CNTN1: variants seen among roughly 807,000 people sequenced by gnomAD.
The protein encoded by CNTN1 is contactin 1.
Under a neutral mutation model 126.4 loss-of-function variants are expected in CNTN1, and 38 were observed. The observed-to-expected ratio is 0.30, with a 90% CI of 0.23 to 0.39. The LOEUF (loss-of-function observed/expected upper bound fraction) is 0.39, where lower values mean the gene tolerates loss of function less well. Ranked by LOEUF, CNTN1 falls within the 10% of genes least tolerant of loss-of-function variation. The probability of loss-of-function intolerance (pLI) is 1.00; values close to 1 mark genes in which losing one functional copy is unlikely to be tolerated. For missense variants in CNTN1, 1,009 were observed against 1,248.4 expected (o/e 0.81, Z 2.89); for synonymous variants, 413 against 422.6 (o/e 0.98, Z 0.28).
chr12:40,853,447 CAACTG>C (rs1183832009), intron 1 of CNTN1, among the ~76,000 whole-genome samples: 1 of 152,096 alleles, frequency 6.6e-6, no homozygotes, highest in Non-Finnish European at 1.5e-5. Flanking sequence ...GTGAAAGACT[CAACTG>C]AACGCTCAAT....
chr12:40,693,054 C>T (rs1941343311), intron 1 of CNTN1, among the ~76,000 whole-genome samples: 1 of 152,228 alleles, frequency 6.6e-6, no homozygotes, highest in African/African-American at 2.4e-5. Context: ...GCTAGCGCAT[C>T]CCGGAAAACC....
At chr12:40,807,063 TA>T (rs1248646010) in intron 1 of CNTN1, among the ~76,000 whole-genome samples, 2 of 152,066 alleles carry the variant, frequency 1.3e-5, no homozygotes, top group East Asian at 3.9e-4. Context: ...CGGTACAGAA[TA>T]GTGATAATTC....
intron 23 of CNTN1, among the ~76,000 whole-genome samples, chr12:41,045,620 C>T (rs1949524703): frequency 6.6e-6 from 1 of 152,042 alleles, no homozygotes; most frequent in South Asian, 2.1e-4. Context: ...ACATTAGGGA[C>T]CAGCTTTAGT....
Position 40,944,091 on chromosome 12 carries a change from A to T in CNTN1, c.1604A>T (p.Asp535Val). Reference protein sequence around the residue: ...QCAASFDPALDLTFVWSFNGY... With the variant: ...QCAASFDPALVLTFVWSFNGY... ...GCTGCGTCCTTTGATCCTGCCTTGG[A>T]TCTCACATTTGTTTGGTCCTTCAAT... The change falls in exon 14 of 24, where the codon GAT becomes GTT. Residue 535 changes from aspartate (D) to valine (V), a missense_variant. Coordinates refer to ENST00000551295, the MANE Select transcript of CNTN1 (RefSeq NM_001843.4). 1.2e-6 allele frequency: 2 copies of T among 1,613,560 alleles called. No homozygotes were observed. The highest frequency in any genetic ancestry group is 1.7e-6 in the Non-Finnish European group (2 of 1,179,662).
intron 1 of CNTN1, among the ~76,000 whole-genome samples, chr12:40,697,701 T>G (rs1475028913): frequency 6.6e-6 from 1 of 152,196 alleles, no homozygotes; most frequent in Admixed American, 6.5e-5. Context: ...CTGGCTTATG[T>G]ATATCATATG....
intron 1 of CNTN1, among the ~76,000 whole-genome samples, chr12:40,744,713 A>C (rs1302039032): frequency 6.6e-6 from 1 of 152,108 alleles, no homozygotes; most frequent in East Asian, 1.9e-4. Context: ...CGTGTGGATT[A>C]AAAGGTGGAA....
At chr12:40,813,047 C>CTTTCTTTCTTTCTTTCT (rs1565773047) in intron 1 of CNTN1, among the ~76,000 whole-genome samples, 1 of 106,056 alleles carries the variant, frequency 9.4e-6, no homozygotes, top group African/African-American at 3.6e-5. Flanking sequence ...TCCTTTCTTT[C>CTTTCTTTCTTTCTTTCT]TTTCTTTCTT....
intron 1 of CNTN1, among the ~76,000 whole-genome samples, chr12:40,718,377 C>T (rs562918382): frequency 1.3e-4 from 19 of 151,858 alleles, no homozygotes; most frequent in East Asian, 3.9e-4. Flanking sequence ...GATGGGGTTT[C>T]GCCGTGTTGG....
At chr12:41,007,090 C>T (rs1331191711) in intron 17 of CNTN1, among the ~76,000 whole-genome samples, 1 of 114,478 alleles carries the variant, frequency 8.7e-6, no homozygotes, top group Non-Finnish European at 1.6e-5. Context: ...GACGGAGTCT[C>T]GCTCTGTCGC....
intron 23 of CNTN1, among the ~76,000 whole-genome samples, chr12:41,045,145 A>C (rs1043020295): frequency 1.3e-5 from 2 of 152,032 alleles, no homozygotes; most frequent in African/African-American, 4.8e-5. Flanking sequence ...TCCTGTTCCT[A>C]AGGATGAACT....
intron 1 of CNTN1, among the ~76,000 whole-genome samples, chr12:40,705,286 T>C (rs1399030356): frequency 2.0e-5 from 3 of 152,214 alleles, no homozygotes; most frequent in African/African-American, 4.8e-5. Flanking sequence ...TCCTTCCCAA[T>C]TGCTTGCAGT....
intron 1 of CNTN1, among the ~76,000 whole-genome samples, chr12:40,774,762 TG>T (rs1203236136): frequency 6.6e-6 from 1 of 151,346 alleles, no homozygotes; most frequent in Non-Finnish European, 1.5e-5. Flanking sequence ...CTTCTACTTT[TG>T]GCCTTTTTTT....
chr12:40,845,895 TAAAAAA>T (rs1222104648), intron 1 of CNTN1, among the ~76,000 whole-genome samples: 1 of 151,990 alleles, frequency 6.6e-6, no homozygotes, highest in African/African-American at 2.4e-5. Context: ...TCAAAAACAA[TAAAAAA>T]TGAATATTAG....
At chr12:40,994,490 A>G (rs1429294326) in intron 17 of CNTN1, among the ~76,000 whole-genome samples, 1 of 152,162 alleles carries the variant, frequency 6.6e-6, no homozygotes, top group Non-Finnish European at 1.5e-5. Flanking sequence ...GTATAAAATT[A>G]CATAGGTAAA....
intron 15 of CNTN1, among the ~76,000 whole-genome samples, chr12:40,970,967 A>G (rs572455492): frequency 5.4e-4 from 83 of 152,322 alleles, no homozygotes; most frequent in African/African-American, 1.9e-3. Context: ...TAAGAAATAA[A>G]TAAAATATAA....
intron 14 of CNTN1, among the ~76,000 whole-genome samples, chr12:40,957,298 A>T (rs1354591058): frequency 3.3e-5 from 5 of 151,852 alleles, no homozygotes; most frequent in Admixed American, 3.3e-4. Context: ...GAAGTAAGAG[A>T]TTGGTAGTAG....
At chr12:40,785,868 T>C (rs1234255893) in intron 1 of CNTN1, among the ~76,000 whole-genome samples, 2 of 152,138 alleles carry the variant, frequency 1.3e-5, no homozygotes, top group Non-Finnish European at 2.9e-5. Context: ...GGTTCACTTA[T>C]TACCATGGGG....
At chr12:40,877,654 T>C (rs1943715111) in intron 1 of CNTN1, among the ~76,000 whole-genome samples, 1 of 152,238 alleles carries the variant, frequency 6.6e-6, no homozygotes, top group Non-Finnish European at 1.5e-5. Context: ...AATATACTGA[T>C]GAGGTTTATA....
chr12:41,031,723 A>G (rs139788398), intron 23 of CNTN1, among the ~76,000 whole-genome samples: 31 of 152,146 alleles, frequency 2.0e-4, no homozygotes, highest in African/African-American at 7.5e-4. Flanking sequence ...ATTCTTATTG[A>G]TTTTAGAATT....
Sources: gnomAD v4.1 joint callset for allele counts (sites outside exome capture counted in the v4.1 genomes callset) on GRCh38, gnomAD v4.1.1 for gene constraint, MANE v1.5 for transcripts, NCBI Gene and HGNC (gene_info 2026-07-23, HGNC 2026-07-21) for gene names.